RBFOX3: variants seen among roughly 807,000 people sequenced by gnomAD.
RBFOX3 encodes the protein RNA binding protein fox-1 homolog 3.
RBFOX3 carries 17 observed loss-of-function variants against 48.7 expected under a neutral mutation model. That is an observed-to-expected ratio of 0.35 (90% CI 0.24 to 0.52). RBFOX3 has a LOEUF of 0.52. Ranked by LOEUF, RBFOX3 falls within the 20% of genes least tolerant of loss-of-function variation. The pLI is 0.94. For missense variants in RBFOX3, 382 were observed against 497.5 expected (o/e 0.77, Z 2.21); for synonymous variants, 212 against 209.5 (o/e 1.01, Z -0.10).
At chr17:79,568,907 C>G (rs1184641994) in intron 1 of RBFOX3, among the ~76,000 whole-genome samples, 1 of 152,094 alleles carries the variant, frequency 6.6e-6, no homozygotes, top group African/African-American at 2.4e-5. Flanking sequence ...CCTCCCAGAG[C>G]TCCGGACCCA....
chr17:79,619,410 C>T, the RBFOX3 span, among the ~76,000 whole-genome samples: 3 of 152,218 alleles, frequency 2.0e-5, no homozygotes, highest in South Asian at 2.1e-4. Context: ...CTTCCCTCCT[C>T]GCTCCTGGGG....
intron 2 of RBFOX3, among the ~76,000 whole-genome samples, chr17:79,409,490 C>G (rs1051610770): frequency 6.6e-6 from 1 of 152,250 alleles, no homozygotes; most frequent in Non-Finnish European, 1.5e-5. Flanking sequence ...GTTTCCACAT[C>G]CTCACCAACA....
At chr17:79,523,501 CTCT>C (rs2086393691) in intron 1 of RBFOX3, among the ~76,000 whole-genome samples, 1 of 152,150 alleles carries the variant, frequency 6.6e-6, no homozygotes. Flanking sequence ...GCTTCCGTGA[CTCT>C]TCTTGCGTTC....
At chr17:79,540,776 T>A (rs373609494) in intron 1 of RBFOX3, among the ~76,000 whole-genome samples, 1 of 152,208 alleles carries the variant, frequency 6.6e-6, no homozygotes, top group Non-Finnish European at 1.5e-5. Flanking sequence ...TGGAGGTCGA[T>A]GAAATATTCT....
chr17:79,207,967 G>A (rs2057748991), intron 4 of RBFOX3, among the ~76,000 whole-genome samples: 1 of 152,146 alleles, frequency 6.6e-6, no homozygotes, highest in Admixed American at 6.5e-5. Flanking sequence ...CACAAGTCCG[G>A]GACCGCGGGA....
intron 2 of RBFOX3, among the ~76,000 whole-genome samples, chr17:79,368,683 G>A (rs985489407): frequency 1.6e-4 from 25 of 152,064 alleles, no homozygotes; most frequent in African/African-American, 4.1e-4. Flanking sequence ...AGAGGTCCTC[G>A]CACACCAGCC....
At chr17:79,449,764 C>T (rs2073110711) in intron 2 of RBFOX3, among the ~76,000 whole-genome samples, 1 of 152,048 alleles carries the variant, frequency 6.6e-6, no homozygotes, top group Non-Finnish European at 1.5e-5. Flanking sequence ...ATGGATGCAA[C>T]CTCTTCACTT....
chr17:79,419,992 C>T (rs1598612240), intron 2 of RBFOX3, among the ~76,000 whole-genome samples: 2 of 152,086 alleles, frequency 1.3e-5, no homozygotes, highest in African/African-American at 2.4e-5. Context: ...CCAGGCATGG[C>T]GGCGTGTTCC....
intron 3 of RBFOX3, among the ~76,000 whole-genome samples, chr17:79,264,953 C>A (rs920705268): frequency 6.8e-6 from 1 of 147,306 alleles, no homozygotes; most frequent in Non-Finnish European, 1.5e-5. Flanking sequence ...TGGAGACCCT[C>A]AGTGCGAGAG....
At chr17:79,343,978 C>T (rs1278296955) in intron 2 of RBFOX3, among the ~76,000 whole-genome samples, 1 of 152,206 alleles carries the variant, frequency 6.6e-6, no homozygotes, top group African/African-American at 2.4e-5. Context: ...AGAGATCCCA[C>T]TCAAGTGGGT....
chr17:79,319,378 G>A (rs1257432266), intron 2 of RBFOX3, among the ~76,000 whole-genome samples: 4 of 152,246 alleles, frequency 2.6e-5, no homozygotes, highest in African/African-American at 4.8e-5. Flanking sequence ...CTGCAAGTGC[G>A]GAGATGAAGC....
At chr17:79,261,146 G>C (rs192036428) in intron 3 of RBFOX3, among the ~76,000 whole-genome samples, 1 of 151,558 alleles carries the variant, frequency 6.6e-6, no homozygotes, top group Non-Finnish European at 1.5e-5. Context: ...TTCGCTCCTC[G>C]AGCCCCCTAC....
chr17:79,525,421 T>C (rs967461520), intron 1 of RBFOX3, among the ~76,000 whole-genome samples: 31 of 151,906 alleles, frequency 2.0e-4, no homozygotes, highest in Middle Eastern at 3.4e-3. Context: ...TTACATGGAG[T>C]CACCAAGTTA....
chr17:79,458,684 C>T (rs775087282), intron 2 of RBFOX3, among the ~76,000 whole-genome samples: 12 of 152,078 alleles, frequency 7.9e-5, no homozygotes, highest in Middle Eastern at 3.4e-3. Flanking sequence ...TGAGCTGGGG[C>T]GGGGGCAGCA....
intron 1 of RBFOX3, among the ~76,000 whole-genome samples, chr17:79,489,096 G>A (rs373203377): frequency 1.3e-5 from 2 of 152,092 alleles, no homozygotes; most frequent in East Asian, 3.9e-4. Flanking sequence ...CTTCCTGGAG[G>A]GACTCAGAAA....
intron 2 of RBFOX3, among the ~76,000 whole-genome samples, chr17:79,413,117 C>A (rs756530437): frequency 6.6e-6 from 1 of 152,208 alleles, no homozygotes; most frequent in Non-Finnish European, 1.5e-5. Context: ...GAACTGCCTG[C>A]AAATGTCACT....
the RBFOX3 span, among the ~76,000 whole-genome samples, chr17:79,624,575 G>A: frequency 3.3e-5 from 5 of 152,120 alleles, no homozygotes; most frequent in African/African-American, 1.2e-4. Flanking sequence ...TAAATCCAGA[G>A]CCGAGCGAAG....
At chr17:79,483,611 C>G (rs2079100691) in intron 1 of RBFOX3, among the ~76,000 whole-genome samples, 1 of 151,138 alleles carries the variant, frequency 6.6e-6, no homozygotes, top group African/African-American at 2.4e-5. Context: ...CTTAGCACAT[C>G]TGGCTTCATG....
At chr17:79,378,332 G>C (rs2059469529) in intron 2 of RBFOX3, among the ~76,000 whole-genome samples, 1 of 152,196 alleles carries the variant, frequency 6.6e-6, no homozygotes, top group African/African-American at 2.4e-5. Context: ...CTCCCTTTCT[G>C]GAGCCTGGAC....
Sources: allele counts gnomAD v4.1 joint callset (sites outside exome capture counted in the v4.1 genomes callset), GRCh38; gene constraint gnomAD v4.1.1; transcripts MANE v1.5; gene names NCBI Gene and HGNC (gene_info 2026-07-23, HGNC 2026-07-21).